Variants in ANK3 observed in about 807,000 individuals in gnomAD.
ANK3 encodes ankyrin-3.
In ANK3, 57 loss-of-function variants were observed where a neutral mutation model predicts 370.9. The ratio of observed to expected loss-of-function variants is 0.15; its 90% CI spans 0.12 to 0.19. The LOEUF is 0.19. Among genes scored for constraint, ANK3 ranks in the 10% least tolerant of loss-of-function variants. The pLI is 1.00. For missense variants in ANK3, 4,439 were observed against 5,302.1 expected (o/e 0.84, Z 5.06); for synonymous variants, 1,929 against 1,946.3 (o/e 0.99, Z 0.23).
chr10:60,480,333 T>C (rs1402646816), intron 2 of ANK3, among the ~76,000 whole-genome samples: 1 of 152,064 alleles, frequency 6.6e-6, no homozygotes, highest in Non-Finnish European at 1.5e-5. Flanking sequence ...AGACGAATGC[T>C]TACGGAAAAA....
chr10:60,211,892 C>CAAAAAAAAA (rs72238553), intron 9 of ANK3, among the ~76,000 whole-genome samples: 22 of 93,364 alleles, frequency 2.4e-4, no homozygotes, highest in Middle Eastern at 7.7e-3. Context: ...AATACAGAGC[C>CAAAAAAAAA]AAAAAAAAAA....
At chr10:60,221,084 C>CTTTT (rs34771679) in intron 8 of ANK3, among the ~76,000 whole-genome samples, 2 of 142,192 alleles carry the variant, frequency 1.4e-5, no homozygotes, top group East Asian at 2.1e-4. Flanking sequence ...TTGATTTTGC[C>CTTTT]TTTTTTTTTT....
At chr10:60,722,287 T>C (rs1022539382) in intron 1 of ANK3, among the ~76,000 whole-genome samples, 1 of 151,984 alleles carries the variant, frequency 6.6e-6, no homozygotes, top group African/African-American at 2.4e-5. Context: ...TTTAATAAAA[T>C]TTAAAATTGC....
At chr10:60,342,723 T>C (rs927917650) in intron 1 of ANK3, among the ~76,000 whole-genome samples, 3 of 152,188 alleles carry the variant, frequency 2.0e-5, no homozygotes, top group African/African-American at 7.2e-5. Flanking sequence ...ATGTAGAATC[T>C]AGGCAGAAAT....
chr10:60,303,490 G>T (rs2044278871), intron 1 of ANK3, among the ~76,000 whole-genome samples: 2 of 152,076 alleles, frequency 1.3e-5, no homozygotes, highest in Non-Finnish European at 2.9e-5. Flanking sequence ...GGAAATGGTG[G>T]TTGACATCAC....
intron 2 of ANK3, among the ~76,000 whole-genome samples, chr10:60,404,523 A>C (rs985916421): frequency 6.6e-6 from 1 of 152,174 alleles, no homozygotes; most frequent in Non-Finnish European, 1.5e-5. Flanking sequence ...CAGAATACCC[A>C]TATGAATAAA....
chr10:60,559,579 A>G (rs1384504795), intron 2 of ANK3, among the ~76,000 whole-genome samples: 2 of 152,150 alleles, frequency 1.3e-5, no homozygotes, highest in African/African-American at 2.4e-5. Context: ...GGACTTAGAA[A>G]ATTTAAGTAA....
At chr10:60,421,270 T>C (rs945370128) in intron 2 of ANK3, among the ~76,000 whole-genome samples, 1 of 152,080 alleles carries the variant, frequency 6.6e-6, no homozygotes, top group Non-Finnish European at 1.5e-5. Context: ...CTGTACAACA[T>C]CTGAATATAA....
intron 2 of ANK3, among the ~76,000 whole-genome samples, chr10:60,399,148 A>G (rs551047676): frequency 2.0e-5 from 3 of 152,318 alleles, no homozygotes; most frequent in African/African-American, 7.2e-5. Flanking sequence ...AATCATGATT[A>G]CAGACTTACA....
At chr10:60,580,324 A>G (rs1271728039) in intron 2 of ANK3, among the ~76,000 whole-genome samples, 3 of 152,212 alleles carry the variant, frequency 2.0e-5, no homozygotes, top group African/African-American at 4.8e-5. Flanking sequence ...GGAGAGCCAC[A>G]GGTGATATCT....
At chr10:60,648,606 C>T (rs1358225072) in intron 1 of ANK3, among the ~76,000 whole-genome samples, 1 of 149,864 alleles carries the variant, frequency 6.7e-6, no homozygotes, top group Admixed American at 6.6e-5. Context: ...CTTGTCTCTA[C>T]AAAAAATACA....
At chr10:60,602,977 A>G (rs1212022629) in intron 2 of ANK3, among the ~76,000 whole-genome samples, 1 of 152,104 alleles carries the variant, frequency 6.6e-6, no homozygotes, top group Admixed American at 6.6e-5. Flanking sequence ...AGGCTGCTAA[A>G]GGGATCTAAA....
intron 1 of ANK3, among the ~76,000 whole-genome samples, chr10:60,376,782 T>G (rs917815879): frequency 5.3e-5 from 8 of 152,216 alleles, no homozygotes; most frequent in African/African-American, 1.9e-4. Context: ...AGACTGGAAT[T>G]GAGGAGATCA....
chr10:60,594,192 T>C (rs2077955852), intron 2 of ANK3, among the ~76,000 whole-genome samples: 1 of 152,236 alleles, frequency 6.6e-6, no homozygotes, highest in Non-Finnish European at 1.5e-5. Context: ...TCTACCCATA[T>C]AGAAATCTTT....
At chr10:60,240,050 T>C (rs868103194) in intron 7 of ANK3, among the ~76,000 whole-genome samples, 11 of 69,086 alleles carry the variant, frequency 1.6e-4, no homozygotes, top group Admixed American at 5.0e-4. Context: ...TATATATACA[T>C]ATATACACAT....
intron 8 of ANK3, among the ~76,000 whole-genome samples, chr10:60,229,539 G>T (rs1313915395): frequency 3.3e-5 from 5 of 152,128 alleles, no homozygotes; most frequent in African/African-American, 1.2e-4. Context: ...GGGAAAGCAT[G>T]GGCTGAAATT....
rs2132649089 is a variant in ANK3 at position 60,263,851 on chromosome 10, G to A, written c.683C>T (p.Ala228Val). 6.2e-7 allele frequency: 1 copy of A among 1,614,018 alleles called. No individual in the cohort carries two copies. Among genetic ancestry groups the A allele is most frequent in the Non-Finnish European group, 8.5e-7 (1 of 1,180,002 alleles). The change falls in exon 6 of 44, where the codon GCA becomes GTA. Residue 228 changes from alanine to valine, a missense_variant. Ala to Val is a moderately conservative substitution (Grantham distance 64). Around this residue, in one of 13 missense-constraint regions of ANK3, gnomAD observed 136 missense variants for 230.5 expected, o/e 0.59. Transcript: ENST00000280772. ...GTGCCTCACCTTTGATTCCACATCT[G>A]CATTGTTGTCATTCTGCAGCAGCAG... The part of the protein sequence containing the change: ...AALLLQNDNN[A>V]DVESKSGFTP...
In ANK3 at chr10:60,071,431, ATCT is replaced by A. The variant is rs1276444840; in HGVS notation, c.9447_9449del (p.Glu3149del). ...GAAAGGATACTTGCTCTAGAGTATC[ATCT>A]TCTGGACTACCTTGGGGAGAAGGAG... is the stretch of plus-strand genomic sequence containing the variant. On this transcript the variant is annotated inframe_deletion, in exon 37 of 44. Transcript: ENST00000280772. The A allele has an allele frequency of 6.2e-7, 1 of 1,614,134 alleles. No homozygotes were observed. The highest frequency in any genetic ancestry group is 1.7e-5 in the Admixed American group (1 of 60,008).
intron 1 of ANK3, among the ~76,000 whole-genome samples, chr10:60,303,257 C>T (rs563650725): frequency 1.4e-4 from 21 of 152,112 alleles, no homozygotes; most frequent in East Asian, 5.8e-4. Flanking sequence ...AAACAATCAA[C>T]GAAATGAACC....
Sources: gnomAD v4.1 joint callset for allele counts (sites outside exome capture counted in the v4.1 genomes callset) on GRCh38, gnomAD v4.1.1 for gene constraint, gnomAD v4.1.1 regional missense constraint, MANE v1.5 for transcripts, NCBI Gene and HGNC (gene_info 2026-07-23, HGNC 2026-07-21) for gene names.